The following MED26 variants were observed in gnomAD, a reference collection of about 807,000 sequenced individuals.
MED26 encodes the protein mediator complex subunit 26, also known as mediator of RNA polymerase II transcription subunit 26.
Under a neutral mutation model 43.7 loss-of-function variants are expected in MED26, and 7 were observed. The observed-to-expected ratio is 0.16, with a 90% confidence interval of 0.09 to 0.30. The LOEUF is 0.30. Ranked by LOEUF, MED26 falls within the 10% of genes least tolerant of loss-of-function variation. The pLI, the probability that MED26 is intolerant of heterozygous loss-of-function variation, is 1.00. For synonymous variants in MED26, 375 were observed against 371.1 expected, an observed-to-expected ratio of 1.01 and a Z score of -0.12; for missense variants, 784 against 840.6, an observed-to-expected ratio of 0.93 and a Z score of 0.83.
chr19:16,592,759 T>TA (rs769034357), intron 1 of MED26, among the ~76,000 whole-genome samples: 13 of 152,094 alleles, frequency 8.5e-5, no homozygotes, highest in Non-Finnish European at 1.9e-4. Context: ...AGGACCTGAG[T>TA]AGCTTCTGCG....
chr19:16,610,363 A>C (rs1197722005), intron 1 of MED26: 3 of 151,954 alleles, frequency 2.0e-5, no homozygotes, highest in African/African-American at 7.3e-5. Flanking sequence ...TATGCTCCCT[A>C]ACACCCTGTA....
intron 1 of MED26, among the ~76,000 whole-genome samples, chr19:16,620,077 G>A (rs2122455829): frequency 6.6e-6 from 1 of 152,300 alleles, no homozygotes; most frequent in South Asian, 2.1e-4. Context: ...ACGAGAAAGA[G>A]AGGAAAACAC....
intron 1 of MED26, among the ~76,000 whole-genome samples, chr19:16,603,114 G>A (rs2086157204): frequency 6.6e-6 from 1 of 152,198 alleles, no homozygotes; most frequent in African/African-American, 2.4e-5. Flanking sequence ...GCATCTTTTA[G>A]GTGGCTCCTG....
intron 1 of MED26, among the ~76,000 whole-genome samples, chr19:16,616,191 A>G (rs2086225539): frequency 6.6e-6 from 1 of 152,210 alleles, no homozygotes. Flanking sequence ...AGCACCCAGG[A>G]TGCTTCAGGC....
intron 1 of MED26, among the ~76,000 whole-genome samples, chr19:16,607,375 GAAAA>G (rs898413432): frequency 2.1e-4 from 23 of 111,482 alleles, no homozygotes; most frequent in African/African-American, 5.9e-4. Context: ...CTTTTGTGGG[GAAAA>G]AAAAAAAAAA....
intron 1 of MED26, among the ~76,000 whole-genome samples, chr19:16,581,684 T>C (rs546931096): frequency 6.6e-6 from 1 of 152,320 alleles, no homozygotes; most frequent in South Asian, 2.1e-4. Context: ...AAATCACCGC[T>C]GAACTAACAG....
chr19:16,598,033 T>C (rs549247103), intron 1 of MED26, among the ~76,000 whole-genome samples: 1 of 151,926 alleles, frequency 6.6e-6, no homozygotes, highest in African/African-American at 2.4e-5. Flanking sequence ...CCTCTAAGGC[T>C]GTTTTCAAAT....
At chr19:16,592,616 C>G (rs1689642583) in intron 1 of MED26, among the ~76,000 whole-genome samples, 1 of 152,224 alleles carries the variant, frequency 6.6e-6, no homozygotes. Context: ...ACATGTGGAG[C>G]CTGTCACCAG....
chr19:16,621,142 G>A (rs1018226874), intron 1 of MED26, among the ~76,000 whole-genome samples: 4 of 152,198 alleles, frequency 2.6e-5, no homozygotes, highest in African/African-American at 2.4e-5. Flanking sequence ...TGTGGGAAGC[G>A]GAAGACTGTC....
rs573234697 is a variant in MED26, at chr19:16,610,001, G to A, written c.72+17871C>T. On this transcript the variant is annotated intron_variant, in intron 1 of 2. Coordinates refer to ENST00000263390, the MANE Select transcript of MED26 (RefSeq NM_004831.5). ...ATTTCAGTAATGTTATTCAAGCCGG[G>A]TGTGGTCGCTCACACATGTAACCCC... 8.9e-4 allele frequency among the ~76,000 whole-genome samples: 134 copies of A among 150,838 alleles called. 2 individuals are homozygous for A. In the South Asian group the frequency reaches 0.027, roughly 30 times the overall value.
intron 1 of MED26, among the ~76,000 whole-genome samples, chr19:16,615,379 T>C (rs1335845524): frequency 6.6e-6 from 1 of 152,144 alleles, no homozygotes; most frequent in African/African-American, 2.4e-5. Context: ...ACTCTCTCAG[T>C]TGCAAGTGAG....
intron 1 of MED26, among the ~76,000 whole-genome samples, chr19:16,594,518 C>G (rs2086111768): frequency 6.6e-6 from 1 of 152,146 alleles, no homozygotes; most frequent in African/African-American, 2.4e-5. Context: ...GACTCGTGCT[C>G]CCTTGTCATG....
chr19:16,584,881 A>T (rs1442877115), intron 1 of MED26, among the ~76,000 whole-genome samples: 2 of 152,174 alleles, frequency 1.3e-5, no homozygotes, highest in African/African-American at 2.4e-5. Context: ...TGTTTGGGAG[A>T]GTTCACTGAT....
intron 1 of MED26, among the ~76,000 whole-genome samples, chr19:16,595,637 A>G (rs537301729): frequency 6.6e-6 from 1 of 152,230 alleles, no homozygotes; most frequent in South Asian, 2.1e-4. Flanking sequence ...GAGCCAACTC[A>G]CACCCTTCAC....
chr19:16,606,277 G>A (rs1261987303), intron 1 of MED26, among the ~76,000 whole-genome samples: 3 of 152,232 alleles, frequency 2.0e-5, no homozygotes, highest in Non-Finnish European at 4.4e-5. Context: ...GGGGCCGGGT[G>A]CAGTGACTCA....
At chr19:16,591,758 C>T (rs931971802) in intron 1 of MED26, among the ~76,000 whole-genome samples, 10 of 152,240 alleles carry the variant, frequency 6.6e-5, no homozygotes, top group Non-Finnish European at 1.5e-4. Context: ...CTGGATCCAT[C>T]CTCCTGACCT....
At position 16,576,696 on chromosome 19, in the gene MED26, C is replaced by T. The variant is rs1347557267; in HGVS notation, c.1134G>A (p.Lys378=). 1 of 1,613,640 alleles carries T rather than the reference C, an allele frequency of 6.2e-7. No individual in the cohort carries two copies. The highest frequency in any genetic ancestry group is 1.3e-5 in the African/African-American group (1 of 74,952). The change falls in exon 3 of 3, where the codon AAG becomes AAA. Residue 378 remains lysine, a synonymous_variant. Transcript: ENST00000263390. This position sits in a 1 kb window ranked among gnomAD's most constrained non-coding sequence, Gnocchi z 6.8. ...SRAGFSPDSS[K]ADSDAASSGG... ...CTGAGGAGGCAGCATCACTGTCCGC[C>T]TTGGAGGAGTCTGGGGAAAAGCCTG...
chr19:16,576,000 G>T lies in MED26; in HGVS notation c.*27C>A, dbSNP rs752414155. 1.9e-6 allele frequency: 3 copies of T among 1,591,722 alleles called. No homozygotes were observed. The highest frequency in any genetic ancestry group is 2.6e-6 in the Non-Finnish European group (3 of 1,165,032). ...CGCCCACCCGGCTTCTGCAAGATGG[G>T]AATGCACTTTGTGGCTGACAGGCCG... On this transcript the variant is annotated 3_prime_UTR_variant, in exon 3 of 3. Coordinates refer to ENST00000263390, the MANE Select transcript of MED26 (RefSeq NM_004831.5).
chr19:16,593,937 T>C (rs2086109182), intron 1 of MED26, among the ~76,000 whole-genome samples: 1 of 152,230 alleles, frequency 6.6e-6, no homozygotes. Context: ...TCGTTTTCAA[T>C]GCAGAGGTCC....
Sources: allele counts gnomAD v4.1 joint callset (sites outside exome capture counted in the v4.1 genomes callset), GRCh38; gene constraint gnomAD v4.1.1; non-coding constraint Gnocchi (gnomAD v3.1); transcripts MANE v1.5; gene names NCBI Gene and HGNC (gene_info 2026-07-23, HGNC 2026-07-21).